ICE1: variants seen among roughly 807,000 people sequenced by gnomAD.
ICE1 encodes the protein interactor of little elongation complex ELL subunit 1.
In ICE1, 64 loss-of-function variants were observed where a neutral mutation model predicts 192.7. That is an observed-to-expected ratio of 0.33 (90% confidence interval 0.27 to 0.41). ICE1 has a LOEUF of 0.41. Ranked by LOEUF, ICE1 falls within the 10% of genes least tolerant of loss-of-function variation. The pLI is 1.00. For synonymous variants in ICE1, 1,010 were observed against 984.5 expected (o/e 1.03, Z -0.49); for missense variants, 2,708 against 2,696.0 (o/e 1.00, Z -0.10).
chr5:5,460,363 A>G lies in ICE1; in HGVS notation c.1102-73A>G, dbSNP rs1048909767. 3.1e-6 allele frequency: 3 copies of G among 957,430 alleles called. No homozygotes were observed. In the African/African-American group the frequency reaches 5.0e-5, roughly 16 times the overall value. The allele number at this position is 957,430 out of a possible 1,614,324, so 59.3% of individuals were successfully genotyped here. A position where few individuals can be genotyped will look rare whatever the true frequency, so the allele number is the denominator to read the frequency against. On this transcript the variant is annotated intron_variant, in intron 12 of 18. Transcript: ENST00000296564. ...TTCAGGAAACGTGTACTTTTAAAAA[A>G]TAATGCATTTAATTGATAGTCATGT...
intron 4 of ICE1, among the ~76,000 whole-genome samples, chr5:5,440,302 C>T (rs568115195): frequency 1.3e-5 from 2 of 152,132 alleles, no homozygotes; most frequent in Admixed American, 6.5e-5. Flanking sequence ...GGCAATGTTT[C>T]ATTCTCTGAT....
In ICE1 at chr5:5,463,634, C is replaced by T. The variant is rs1457919573; in HGVS notation, c.4300C>T (p.Pro1434Ser). The change falls in exon 13 of 19, where the codon CCA becomes TCA. Residue 1434 changes from proline (P) to serine (S), a missense_variant. Pro to Ser is a moderately conservative substitution (Grantham distance 74). Around this residue, in one of 2 missense-constraint regions of ICE1, gnomAD observed 2,366 missense variants for 2,276.6 expected, o/e 1.04. Transcript: ENST00000296564. ...AATCATCAGTGGTGTAGCTGTCTTG[C>T]CACATGTGGACCAGGTCACACTGTG... ...WTIISGVAVL[P>S]HVDQVTLCDI... The T allele has an allele frequency of 3.7e-6, 6 of 1,613,824 alleles. No homozygotes were observed. Among genetic ancestry groups the T allele is most frequent in the Admixed American group, 1.7e-5 (1 of 60,002 alleles).
intron 3 of ICE1, among the ~76,000 whole-genome samples, chr5:5,438,680 A>C (rs1204937790): frequency 6.6e-6 from 1 of 152,234 alleles, no homozygotes; most frequent in East Asian, 1.9e-4. Context: ...CTTTGAGTTA[A>C]CTTATACATG....
intron 3 of ICE1, among the ~76,000 whole-genome samples, chr5:5,438,460 A>G (rs1737943739): frequency 6.6e-6 from 1 of 152,234 alleles, no homozygotes; most frequent in Admixed American, 6.5e-5. Context: ...GTCATTGGAA[A>G]TCTTCTTATG....
chr5:5,472,684 G>A lies in ICE1; in HGVS notation c.6223-874G>A, dbSNP rs1348902570. On this transcript the variant is annotated intron_variant, in intron 15 of 18. Coordinates refer to ENST00000296564, the MANE Select transcript of ICE1 (RefSeq NM_015325.3). ...TCAGGATATATATGGCCAAGCTACA[G>A]GTTCACTTGTGGAGTCCTTCTAGTA... Among the ~76,000 whole-genome samples the A allele has an allele frequency of 3.3e-5, 5 of 152,160 alleles. No individual in the cohort carries two copies. The South Asian group carries it at 1.0e-3, about 31-fold the overall frequency.
chr5:5,429,651 C>A (rs1160269255), intron 1 of ICE1, among the ~76,000 whole-genome samples: 1 of 152,206 alleles, frequency 6.6e-6, no homozygotes, highest in Admixed American at 6.5e-5. Context: ...TATATACTTA[C>A]TACCTTAGCA....
chr5:5,472,089 A>G (rs984480415), intron 15 of ICE1, among the ~76,000 whole-genome samples: 3 of 152,196 alleles, frequency 2.0e-5, no homozygotes, highest in African/African-American at 7.2e-5. Context: ...TAACTCATGT[A>G]TTTAACAGAT....
In ICE1 at chr5:5,462,956, A is replaced by G. The variant is rs775971431; in HGVS notation, c.3622A>G (p.Lys1208Glu). Residue 1208 changes from lysine to glutamate, a missense_variant, in exon 13 of 19, where the codon AAA becomes GAA. Physicochemically the swap from Lys to Glu is moderately conservative, Grantham distance 56 (BLOSUM62 1). Coordinates refer to ENST00000296564, the MANE Select transcript of ICE1 (RefSeq NM_015325.3). ...SKGTLSKEMN[K>E]ELKASEIGEK... ...AGGAACCCTAAGTAAAGAAATGAAC[A>G]AAGAATTAAAGGCAAGTGAAATAGG... 1.9e-6 allele frequency: 3 copies of G among 1,612,832 alleles called. No individual in the cohort carries two copies. Among genetic ancestry groups the G allele is most frequent in the Admixed American group, 3.3e-5 (2 of 59,896 alleles).
Position 5,475,974 on chromosome 5 carries a change from AAGG to A in ICE1, c.6418_6420del (p.Glu2140del). The stretch of plus-strand genomic sequence containing the variant: ...TCTTTTCATGTTGTTTTTTTATAGT[AAGG>A]AGCTGTGGCCTGTGATGGATAAATG... On this transcript the variant is annotated inframe_deletion and splice_region_variant, in exon 17 of 19. Coordinates refer to ENST00000296564, the MANE Select transcript of ICE1 (RefSeq NM_015325.3). 6.3e-7 allele frequency: 1 copy of A among 1,590,166 alleles called. No individual in the cohort carries two copies. The highest frequency in any genetic ancestry group is 1.1e-5 in the South Asian group (1 of 89,890).
chr5:5,437,141 G>C, intron 3 of ICE1, 27 bp downstream of exon 3: 2 of 1,510,526 alleles, frequency 1.3e-6, no homozygotes, highest in South Asian at 2.4e-5. Flanking sequence ...TTTTTCTGTT[G>C]AGTTTTGGAA....
chr5:5,488,745 C>T (rs1288526266), intron 18 of ICE1, among the ~76,000 whole-genome samples: 4 of 152,116 alleles, frequency 2.6e-5, no homozygotes, highest in African/African-American at 7.2e-5. Context: ...AAATGCTTCC[C>T]GTGGATATCT....
chr5:5,470,788 T>C (rs139959520), intron 15 of ICE1, among the ~76,000 whole-genome samples: 26 of 152,306 alleles, frequency 1.7e-4, no homozygotes, highest in South Asian at 1.0e-3. Flanking sequence ...AATATTTACA[T>C]TTACTTTGAA....
intron 14 of ICE1, among the ~76,000 whole-genome samples, chr5:5,468,440 G>A (rs958270203): frequency 6.6e-6 from 1 of 152,146 alleles, no homozygotes; most frequent in African/African-American, 2.4e-5. Flanking sequence ...GAGTGTAGGA[G>A]AAAGTATTTA....
At chr5:5,455,099 A>G (rs948550279) in intron 11 of ICE1, among the ~76,000 whole-genome samples, 1 of 152,238 alleles carries the variant, frequency 6.6e-6, no homozygotes, top group Non-Finnish European at 1.5e-5. Flanking sequence ...AGGGGAGCAG[A>G]TAGCTGTCTT....
At chr5:5,427,589 C>T (rs1391748203) in intron 1 of ICE1, among the ~76,000 whole-genome samples, 1 of 152,180 alleles carries the variant, frequency 6.6e-6, no homozygotes, top group East Asian at 1.9e-4. Context: ...AGATTTGAGC[C>T]TGTCCATAAA....
chr5:5,476,345 A>G (rs1283307417), intron 17 of ICE1, among the ~76,000 whole-genome samples: 3 of 152,360 alleles, frequency 2.0e-5, no homozygotes. Context: ...ACTAATATAC[A>G]TAAAGACTAG....
intron 7 of ICE1, among the ~76,000 whole-genome samples, chr5:5,444,666 A>G (rs1738158661): frequency 6.6e-6 from 1 of 152,208 alleles, no homozygotes; most frequent in Admixed American, 6.5e-5. Context: ...TCTTAATGAA[A>G]TAAGTAGCTG....
At chr5:5,467,712 A>C (rs1364281340) in intron 14 of ICE1, among the ~76,000 whole-genome samples, 1 of 152,210 alleles carries the variant, frequency 6.6e-6, no homozygotes, top group Non-Finnish European at 1.5e-5. Context: ...TAACAGATGA[A>C]GTTTAGTGCA....
intron 15 of ICE1, 81 bp from the exon 16 acceptor site, chr5:5,473,477 A>G: frequency 8.3e-7 from 1 of 1,197,674 alleles, no homozygotes; most frequent in Non-Finnish European, 1.2e-6. Context: ...TCGAATGCTT[A>G]TTATAGTCTT....
Sources: gnomAD v4.1 joint callset for allele counts (sites outside exome capture counted in the v4.1 genomes callset) on GRCh38, gnomAD v4.1.1 for gene constraint, gnomAD v4.1.1 regional missense constraint, MANE v1.5 for transcripts, NCBI Gene and HGNC (gene_info 2026-07-23, HGNC 2026-07-21) for gene names.